Variants in SLC13A3 observed in about 807,000 individuals in gnomAD.
SLC13A3 encodes the protein Na(+)/dicarboxylate cotransporter 3.
A neutral mutation model predicts 59.0 loss-of-function variants in SLC13A3; 40 were observed. The ratio of observed to expected loss-of-function variants is 0.68; its 90% confidence interval spans 0.53 to 0.88. SLC13A3 has a LOEUF of 0.88. Among genes scored for constraint, SLC13A3 ranks in the 40% least tolerant of loss-of-function variants. SLC13A3 has a pLI of 0.00. For missense variants in SLC13A3, 699 were observed against 783.2 expected (o/e 0.89, Z 1.28); for synonymous variants, 317 against 330.3 (o/e 0.96, Z 0.44).
At chr20:46,586,019 C>A (rs1294422788) in intron 8 of SLC13A3, among the ~76,000 whole-genome samples, 1 of 152,042 alleles carries the variant, frequency 6.6e-6, no homozygotes, top group Non-Finnish European at 1.5e-5. Context: ...AAATGTAAAG[C>A]ACACACCAGA....
intron 6 of SLC13A3, 95 bp from the exon 7 acceptor site, chr20:46,589,350 CTCTGT>C: frequency 2.0e-6 from 2 of 1,013,062 alleles, no homozygotes; most frequent in Non-Finnish European, 3.1e-6. Context: ...GCCACATCCT[CTCTGT>C]CCGGGAGGCT....
chr20:46,592,373 A>G, intron 6 of SLC13A3, 31 bp downstream of exon 6: 1 of 1,612,506 alleles, frequency 6.2e-7, no homozygotes, highest in South Asian at 1.1e-5. Context: ...CTGCTTCCCC[A>G]CTCTATTGCC....
intron 1 of SLC13A3, among the ~76,000 whole-genome samples, chr20:46,661,898 G>A (rs913128190): frequency 6.6e-6 from 1 of 152,026 alleles, no homozygotes; most frequent in African/African-American, 2.4e-5. Flanking sequence ...TGCTTTCAGG[G>A]GAATCCTTCT....
At chr20:46,562,619 A>C (rs1014157909) in intron 12 of SLC13A3, among the ~76,000 whole-genome samples, 1 of 152,146 alleles carries the variant, frequency 6.6e-6, no homozygotes, top group African/African-American at 2.4e-5. Context: ...ACCAATAGAA[A>C]GCAGCCTCCT....
intron 1 of SLC13A3, among the ~76,000 whole-genome samples, chr20:46,630,001 C>T (rs3091520): frequency 0.14 from 20,736 of 152,048 alleles, 1,655 homozygotes; most frequent in East Asian, 0.41. Flanking sequence ...CTTTTAAGAC[C>T]GGTTCTTTGT....
chr20:46,671,737 C>T (rs2063093345), upstream of SLC13A3, among the ~76,000 whole-genome samples: 1 of 152,166 alleles, frequency 6.6e-6, no homozygotes, highest in African/African-American at 2.4e-5. Context: ...CAGAGCAAAG[C>T]TCACCCATTG....
At chr20:46,560,233 A>G in intron 12 of SLC13A3, 35 bp from the exon 13 acceptor site, 1 of 1,585,962 alleles carries the variant, frequency 6.3e-7, no homozygotes, top group Non-Finnish European at 8.7e-7. Context: ...AGGGGTCAGC[A>G]CCTGACCCAC....
chr20:46,679,146 A>G (rs1046354435), intron 1 of SLC13A3, among the ~76,000 whole-genome samples: 18 of 152,194 alleles, frequency 1.2e-4, no homozygotes, highest in Admixed American at 7.2e-4. Context: ...CTTTACAGCA[A>G]TGCAAAAGGC....
intron 1 of SLC13A3, among the ~76,000 whole-genome samples, chr20:46,615,919 C>G (rs2062549808): frequency 6.6e-6 from 1 of 152,178 alleles, no homozygotes. Context: ...ATTAAATAAG[C>G]TGCCACAGTT....
chr20:46,613,424 C>T (rs920632623), intron 2 of SLC13A3, 36 bp downstream of exon 2: 1 of 1,523,208 alleles, frequency 6.6e-7, no homozygotes. Context: ...CCCTCTGCCT[C>T]TCCGCTGTAG....
intron 10 of SLC13A3, among the ~76,000 whole-genome samples, chr20:46,572,659 A>G (rs2043380201): frequency 6.6e-6 from 1 of 152,214 alleles, no homozygotes; most frequent in South Asian, 2.1e-4. Context: ...TTTCCTCAGT[A>G]TCTAACCATA....
chr20:46,628,464 G>A (rs1055296166), intron 1 of SLC13A3, among the ~76,000 whole-genome samples: 3 of 152,138 alleles, frequency 2.0e-5, no homozygotes, highest in Admixed American at 6.5e-5. Flanking sequence ...AGGAACTGAC[G>A]GCAAGGCCTA....
intron 1 of SLC13A3, among the ~76,000 whole-genome samples, chr20:46,646,771 T>G (rs1233874370): frequency 6.6e-6 from 1 of 152,234 alleles, no homozygotes; most frequent in African/African-American, 2.4e-5. Context: ...GCACAATGTA[T>G]TAACTCACTG....
intron 1 of SLC13A3, among the ~76,000 whole-genome samples, chr20:46,678,538 G>A (rs2122948758): frequency 6.6e-6 from 1 of 152,224 alleles, no homozygotes; most frequent in Admixed American, 6.5e-5. Flanking sequence ...TACCATCAGG[G>A]GTGGCCTCAT....
intron 9 of SLC13A3, among the ~76,000 whole-genome samples, chr20:46,578,493 T>C (rs1296637919): frequency 6.6e-6 from 1 of 151,582 alleles, no homozygotes; most frequent in Admixed American, 6.6e-5. Context: ...CTGGCCAACA[T>C]GGTGAAACCC....
intron 1 of SLC13A3, among the ~76,000 whole-genome samples, chr20:46,627,309 G>T (rs1441533875): frequency 6.6e-6 from 1 of 152,202 alleles, no homozygotes; most frequent in Non-Finnish European, 1.5e-5. Flanking sequence ...TTCCAATAGT[G>T]CTGTGGATAT....
intron 10 of SLC13A3, among the ~76,000 whole-genome samples, chr20:46,574,845 T>TC (rs2062059471): frequency 6.6e-6 from 1 of 150,724 alleles, no homozygotes; most frequent in Non-Finnish European, 1.5e-5. Context: ...TTTTCTTTTT[T>TC]TTTTTTCTTA....
At chr20:46,674,600 C>CGTGTGTGTGT (rs1224790534), upstream of SLC13A3, among the ~76,000 whole-genome samples, 16 of 48,402 alleles carry the variant, frequency 3.3e-4, no homozygotes, top group Non-Finnish European at 8.2e-4. Flanking sequence ...CGCGCGCGCG[C>CGTGTGTGTGT]GCGCGTGTGT....
rs775501994 is a variant in SLC13A3, at chr20:46,613,690, C to T, written c.147G>A (p.Ala49=). The T allele has an allele frequency of 1.4e-5, 22 of 1,607,506 alleles. No individual in the cohort carries two copies. The highest frequency in any genetic ancestry group is 4.5e-5 in the East Asian group (2 of 44,312). ...GRCLFVILLM[A]VYWCTEALPL... ...GCAGGGCCTCCGTGCACCAGTACAC[C>T]GCCATGAGCAGGATGACAAACAAGC... Residue 49 remains alanine, a synonymous_variant, in exon 2 of 13, where the codon GCG becomes GCA. Coordinates refer to ENST00000279027, the MANE Select transcript of SLC13A3 (RefSeq NM_022829.6).
Sources: allele counts gnomAD v4.1 joint callset (sites outside exome capture counted in the v4.1 genomes callset), GRCh38; gene constraint gnomAD v4.1.1; transcripts MANE v1.5; gene names NCBI Gene and HGNC (gene_info 2026-07-23, HGNC 2026-07-21).